MED26: variants seen among roughly 807,000 people sequenced by gnomAD.
The protein encoded by MED26 is mediator complex subunit 26, also known as mediator of RNA polymerase II transcription subunit 26.
MED26 carries 7 observed loss-of-function variants against 43.7 expected under a neutral mutation model. That is an observed-to-expected ratio of 0.16 (90% confidence interval 0.09 to 0.30). The LOEUF (loss-of-function observed/expected upper bound fraction) is 0.30, where lower values mean the gene tolerates loss of function less well. Among genes scored for constraint, MED26 ranks in the 10% least tolerant of loss-of-function variants. The pLI is 1.00. For missense variants in MED26, 784 were observed against 840.6 expected (o/e 0.93, Z 0.83); for synonymous variants, 375 against 371.1 (o/e 1.01, Z -0.12).
chr19:16,576,797 G>A lies in MED26; in HGVS notation c.1033C>T (p.Pro345Ser), dbSNP rs756399941. Residue 345 changes from proline (P) to serine (S), a missense_variant, in exon 3 of 3, where the codon CCT becomes TCT. Transcript: ENST00000263390. The surrounding 1 kb of genome is among the most constrained non-coding windows in gnomAD (Gnocchi z 6.8). ...CCCGCCAGCCGCTGGTGGCTCTCAG[G>A]CTGCTCAAGCCAGCACACTGGGCTT... ...AESPVCWLEQ[P>S]ESHQRLAGPG... The A allele has an allele frequency of 7.6e-5, 122 of 1,607,940 alleles. No individual in the cohort carries two copies. Among genetic ancestry groups the A allele is most frequent in the Non-Finnish European group, 1.0e-4 (119 of 1,178,734 alleles).
intron 1 of MED26, among the ~76,000 whole-genome samples, chr19:16,602,285 T>A (rs1445442021): frequency 3.9e-5 from 6 of 152,138 alleles, no homozygotes; most frequent in Non-Finnish European, 5.9e-5. Flanking sequence ...AAATGGGCAT[T>A]TCATTCCTTC....
At chr19:16,580,391 G>GA (rs903668276) in intron 1 of MED26, among the ~76,000 whole-genome samples, 3 of 150,490 alleles carry the variant, frequency 2.0e-5, no homozygotes, top group Admixed American at 1.3e-4. Flanking sequence ...TTTTTGAGAT[G>GA]AAGTTTCACT....
chr19:16,579,603 A>C (rs2086034195), intron 1 of MED26, among the ~76,000 whole-genome samples: 1 of 152,120 alleles, frequency 6.6e-6, no homozygotes, highest in Non-Finnish European at 1.5e-5. Context: ...CCTACCACTC[A>C]ACCACCACCT....
At chr19:16,578,960 G>A (rs2086029020) in intron 1 of MED26, among the ~76,000 whole-genome samples, 1 of 152,172 alleles carries the variant, frequency 6.6e-6, no homozygotes. Context: ...AATTAGTTGG[G>A]TGTGCTGGCA....
chr19:16,615,928 C>T (rs1230482735), intron 1 of MED26, among the ~76,000 whole-genome samples: 2 of 152,188 alleles, frequency 1.3e-5, no homozygotes, highest in South Asian at 2.1e-4. Flanking sequence ...CAACCTACTC[C>T]AGCAAAGTGC....
intron 1 of MED26, among the ~76,000 whole-genome samples, chr19:16,582,701 G>C (rs138300959): frequency 1.7e-3 from 259 of 152,246 alleles, no homozygotes; most frequent in South Asian, 5.8e-3. Context: ...CAGGCCACAG[G>C]GGGAGGGCAG....
At chr19:16,608,639 G>GTT (rs1463812681) in intron 1 of MED26, among the ~76,000 whole-genome samples, 2 of 152,302 alleles carry the variant, frequency 1.3e-5, no homozygotes. Context: ...TTTACATGCT[G>GTT]TTTATTGAGG....
At chr19:16,614,486 C>T (rs1456867168) in intron 1 of MED26, among the ~76,000 whole-genome samples, 1 of 151,614 alleles carries the variant, frequency 6.6e-6, no homozygotes. Flanking sequence ...CCGATTGTGC[C>T]ACTGCACTCC....
chr19:16,583,857 C>A (rs2086057803), intron 1 of MED26, among the ~76,000 whole-genome samples: 1 of 152,096 alleles, frequency 6.6e-6, no homozygotes, highest in Non-Finnish European at 1.5e-5. Context: ...AGCAGGGAGG[C>A]CTGGTCTCAG....
intron 1 of MED26, among the ~76,000 whole-genome samples, chr19:16,596,035 G>C (rs2086118714): frequency 6.6e-6 from 1 of 152,260 alleles, no homozygotes; most frequent in South Asian, 2.1e-4. Flanking sequence ...TCTTGAGACA[G>C]GGTCTCGCCC....
At chr19:16,626,539 C>G (rs888562011) in intron 1 of MED26, among the ~76,000 whole-genome samples, 3 of 152,180 alleles carry the variant, frequency 2.0e-5, no homozygotes, top group African/African-American at 7.2e-5. Flanking sequence ...ACTTATATCA[C>G]AGCAACCAGA....
intron 1 of MED26, among the ~76,000 whole-genome samples, chr19:16,605,864 G>C (rs1413393904): frequency 6.6e-6 from 1 of 152,224 alleles, no homozygotes; most frequent in Admixed American, 6.5e-5. Flanking sequence ...ATGGCACCCT[G>C]CCAGTCACAA....
chr19:16,590,355 A>G (rs2086090162), intron 1 of MED26, among the ~76,000 whole-genome samples: 1 of 152,206 alleles, frequency 6.6e-6, no homozygotes, highest in Non-Finnish European at 1.5e-5. Context: ...CCATGCAGCC[A>G]GCACACACCT....
At chr19:16,620,960 T>A (rs1433138759) in intron 1 of MED26, among the ~76,000 whole-genome samples, 1 of 152,082 alleles carries the variant, frequency 6.6e-6, no homozygotes, top group Non-Finnish European at 1.5e-5. Flanking sequence ...AAATGAACCC[T>A]CATACTCAAA....
chr19:16,588,042 G>T (rs2086079077), intron 1 of MED26: 1 of 152,248 alleles, frequency 6.6e-6, no homozygotes. Flanking sequence ...TACCAACCTA[G>T]ACTCTCCTGA....
In MED26 at chr19:16,578,421, A is replaced by T. The variant is rs745740273; in HGVS notation, c.73-12T>A. 1.1e-5 allele frequency: 17 copies of T among 1,613,678 alleles called. No individual in the cohort carries two copies. The Admixed American group carries it at 2.8e-4, about 27-fold the overall frequency. On this transcript the variant is annotated splice_polypyrimidine_tract_variant and intron_variant, in intron 1 of 2. Coordinates refer to ENST00000263390, the MANE Select transcript of MED26 (RefSeq NM_004831.5). Reference sequence around the variant, plus strand: ...ACCATGTTCCGGATCTGTGGAAATAAAAAGCCATTTGTCAGGTCCCTGTCC... The same window carrying T: ...ACCATGTTCCGGATCTGTGGAAATATAAAGCCATTTGTCAGGTCCCTGTCC...
At chr19:16,605,172 T>C (rs958400520) in intron 1 of MED26, among the ~76,000 whole-genome samples, 1 of 152,130 alleles carries the variant, frequency 6.6e-6, no homozygotes, top group Admixed American at 6.6e-5. Context: ...AAAAGACAAA[T>C]GTGAAAGCAA....
At chr19:16,599,729 C>T (rs893692930) in intron 1 of MED26, among the ~76,000 whole-genome samples, 2 of 152,042 alleles carry the variant, frequency 1.3e-5, no homozygotes, top group African/African-American at 4.8e-5. Context: ...AAACCGCTCC[C>T]CTACCCTGCT....
chr19:16,577,730 C>A lies in MED26; in HGVS notation c.148-48G>T. Reference sequence around the variant, plus strand: ...ACATACTTTCGGGACAGGAACTTCTCCATGAGCTGAGCCAGAAATGGTGGG... The same window carrying A: ...ACATACTTTCGGGACAGGAACTTCTACATGAGCTGAGCCAGAAATGGTGGG... On this transcript the variant is annotated intron_variant, in intron 2 of 2. Transcript: ENST00000263390. This position sits in a 1 kb window ranked among gnomAD's most constrained non-coding sequence, Gnocchi z 8.1. 1 of 1,460,350 alleles carries A rather than the reference C, an allele frequency of 6.8e-7. No individual in the cohort carries two copies. The highest frequency in any genetic ancestry group is 1.3e-5 in the South Asian group (1 of 75,936). The allele number at this position is 1,460,350 out of a possible 1,614,324, so 90.5% of individuals were successfully genotyped here. A position where few individuals can be genotyped will look rare whatever the true frequency, so the allele number is the denominator to read the frequency against.
Sources: allele counts gnomAD v4.1 joint callset (sites outside exome capture counted in the v4.1 genomes callset), GRCh38; gene constraint gnomAD v4.1.1; non-coding constraint Gnocchi (gnomAD v3.1); transcripts MANE v1.5; gene names NCBI Gene and HGNC (gene_info 2026-07-23, HGNC 2026-07-21).